CA10: variants seen among roughly 807,000 people sequenced by gnomAD.
CA10 encodes carbonic anhydrase-related protein 10.
In CA10, 14 loss-of-function variants were observed where a neutral mutation model predicts 44.2. The ratio of observed to expected loss-of-function variants is 0.32; its 90% confidence interval spans 0.21 to 0.50. CA10 has a LOEUF of 0.50. CA10 is among the 20% of genes least tolerant of loss of function. The probability of loss-of-function intolerance (pLI) is 0.99; values close to 1 mark genes in which losing one functional copy is unlikely to be tolerated. For synonymous variants in CA10, 159 were observed against 141.6 expected (o/e 1.12, Z -0.87); for missense variants, 350 against 409.7 (o/e 0.85, Z 1.26).
intron 1 of CA10, among the ~76,000 whole-genome samples, chr17:52,133,349 C>G (rs1262314636): frequency 6.6e-6 from 1 of 152,054 alleles, no homozygotes; most frequent in Non-Finnish European, 1.5e-5. Flanking sequence ...ACACAGAAGG[C>G]CTTTAAATGT....
intron 1 of CA10, among the ~76,000 whole-genome samples, chr17:52,120,291 C>T (rs747444149): frequency 2.6e-5 from 4 of 152,146 alleles, no homozygotes; most frequent in Non-Finnish European, 4.4e-5. Flanking sequence ...CCACCGGAGC[C>T]TTTGATGATC....
chr17:51,764,320 G>A (rs1905294575), intron 3 of CA10, among the ~76,000 whole-genome samples: 1 of 152,118 alleles, frequency 6.6e-6, no homozygotes, highest in African/African-American at 2.4e-5. Context: ...AAACCCCACA[G>A]GCTTGGTGAT....
chr17:51,791,210 A>G (rs936187574), intron 3 of CA10, among the ~76,000 whole-genome samples: 3 of 152,202 alleles, frequency 2.0e-5, no homozygotes, highest in African/African-American at 7.2e-5. Context: ...GAAGAGCTAG[A>G]CTAAGGTCTA....
chr17:51,649,172 C>T lies in CA10; in HGVS notation c.634+10G>A. On this transcript the variant is annotated intron_variant, in intron 6 of 8. Transcript: ENST00000451037. ...AATAGTTGCTGTGGAGGAAATTGAA[C>T]CAAACTTACTTTTATATGTTATTCT... 1 of 1,606,026 alleles carries T rather than the reference C, an allele frequency of 6.2e-7. No homozygotes were observed. The highest frequency in any genetic ancestry group is 8.5e-7 in the Non-Finnish European group (1 of 1,172,780).
Position 51,633,561 on chromosome 17 carries a change from G to T in CA10, c.879C>A (p.Asn293Lys), listed in dbSNP as rs1912686634. 6.2e-7 allele frequency: 1 copy of T among 1,614,074 alleles called. No homozygotes were observed. Among genetic ancestry groups the T allele is most frequent in the East Asian group, 2.2e-5 (1 of 44,882 alleles). ...TGATATTGGTGCGGATGCAGCGGTT[G>T]TTGAGTGGCTGGACAGGCCTGAAGT... ...SDNFRPVQPL[N>K]NRCIRTNINF... The change falls in exon 8 of 9, where the codon AAC (asparagine) becomes AAA (lysine). Residue 293 changes from asparagine to lysine, a missense_variant. Physicochemically the swap from Asn to Lys is moderately conservative, Grantham distance 94. Transcript: ENST00000451037.
intron 2 of CA10, among the ~76,000 whole-genome samples, chr17:51,963,949 C>T (rs769050740): frequency 1.3e-5 from 2 of 152,006 alleles, no homozygotes; most frequent in Non-Finnish European, 2.9e-5. Flanking sequence ...TCTAAACACC[C>T]CACTTAAAAG....
chr17:52,016,092 G>A (rs11650852), intron 2 of CA10, among the ~76,000 whole-genome samples: 237 of 152,010 alleles, frequency 1.6e-3, no homozygotes, highest in Admixed American at 4.8e-3. Context: ...TTTGGGAGAG[G>A]CATTGGAGTT....
At chr17:51,932,584 C>T (rs1982708380) in intron 2 of CA10, among the ~76,000 whole-genome samples, 1 of 152,076 alleles carries the variant, frequency 6.6e-6, no homozygotes, top group African/African-American at 2.4e-5. Flanking sequence ...TCATCCATGC[C>T]AATAAGCCTC....
intron 2 of CA10, among the ~76,000 whole-genome samples, chr17:52,050,765 T>A (rs1230273695): frequency 6.6e-6 from 1 of 151,928 alleles, no homozygotes; most frequent in East Asian, 1.9e-4. Context: ...TCCCTTCAAA[T>A]GACATCTTCC....
intron 3 of CA10, among the ~76,000 whole-genome samples, chr17:51,758,175 T>C (rs1235164120): frequency 6.6e-6 from 1 of 151,876 alleles, no homozygotes; most frequent in African/African-American, 2.4e-5. Flanking sequence ...GTAAAAAGGA[T>C]AGGATTTTGG....
chr17:51,997,408 C>T (rs1031141679), intron 2 of CA10, among the ~76,000 whole-genome samples: 2 of 151,974 alleles, frequency 1.3e-5, no homozygotes, highest in Non-Finnish European at 2.9e-5. Context: ...TGCCAGGTGA[C>T]ATAAAAGTGT....
intron 2 of CA10, among the ~76,000 whole-genome samples, chr17:51,935,475 T>C (rs1453688541): frequency 1.3e-5 from 2 of 152,164 alleles, no homozygotes; most frequent in South Asian, 4.1e-4. Flanking sequence ...ATCCTTTTTG[T>C]ACAATCTTCT....
chr17:51,759,753 GAC>G (rs1188983437), intron 3 of CA10, among the ~76,000 whole-genome samples: 1 of 152,062 alleles, frequency 6.6e-6, no homozygotes, highest in Non-Finnish European at 1.5e-5. Flanking sequence ...AGCTGAGTCT[GAC>G]AGTTCTTCAG....
chr17:51,959,372 C>T (rs368386448), intron 2 of CA10, among the ~76,000 whole-genome samples: 8 of 150,658 alleles, frequency 5.3e-5, no homozygotes, highest in African/African-American at 1.7e-4. Flanking sequence ...GGTTGTTTTG[C>T]CCTCAAGGGA....
rs11452726 is a variant in CA10 at position 51,756,472 on chromosome 17, G to GTTT, written c.280-8657_280-8655dup. Among the ~76,000 whole-genome samples, 476 of 132,238 alleles carry GTTT rather than the reference G, an allele frequency of 3.6e-3. 10 individuals are homozygous for GTTT. Among genetic ancestry groups the GTTT allele is most frequent in the African/African-American group, 0.013 (453 of 35,080 alleles). 86.8% of individuals were successfully genotyped at this position (132,238 alleles called of 152,430 possible). Reference sequence around the variant, plus strand: ...TGAGTGCTGGGGAAATGAGGTAGTTGTTTTTTTTTTTTTTTTTGAGTCTTT... The same window carrying GTTT: ...TGAGTGCTGGGGAAATGAGGTAGTTGTTTTTTTTTTTTTTTTTTTTGAGTCTTT... On this transcript the variant is annotated intron_variant, in intron 3 of 8. Transcript: ENST00000451037.
chr17:52,029,949 A>G (rs1169282804), intron 2 of CA10, among the ~76,000 whole-genome samples: 1 of 152,212 alleles, frequency 6.6e-6, no homozygotes, highest in Non-Finnish European at 1.5e-5. Flanking sequence ...TTAAGAGAGA[A>G]AGACTTTTAT....
chr17:52,143,603 T>C (rs533697480), intron 1 of CA10, among the ~76,000 whole-genome samples: 47 of 152,236 alleles, frequency 3.1e-4, no homozygotes, highest in Admixed American at 1.4e-3. Flanking sequence ...TGATGTTCCA[T>C]GAAGGTTCCA....
intron 3 of CA10, among the ~76,000 whole-genome samples, chr17:51,828,978 T>C (rs1477793014): frequency 6.6e-6 from 1 of 152,182 alleles, no homozygotes; most frequent in Non-Finnish European, 1.5e-5. Context: ...AGAGTTTCAT[T>C]CCGTGATTTT....
intron 4 of CA10, among the ~76,000 whole-genome samples, chr17:51,690,606 C>A (rs1309105988): frequency 6.6e-6 from 1 of 152,148 alleles, no homozygotes; most frequent in African/African-American, 2.4e-5. Context: ...CTCATGAGAT[C>A]TGATGGTTTT....
Sources: gnomAD v4.1 joint callset for allele counts (sites outside exome capture counted in the v4.1 genomes callset) on GRCh38, gnomAD v4.1.1 for gene constraint, MANE v1.5 for transcripts, NCBI Gene and HGNC (gene_info 2026-07-23, HGNC 2026-07-21) for gene names.